The following JCAD variants were observed in gnomAD, a reference collection of about 807,000 sequenced individuals.
JCAD encodes the protein junctional cadherin 5 associated.
JCAD carries 40 observed loss-of-function variants against 98.0 expected under a neutral mutation model. The observed-to-expected ratio is 0.41, with a 90% CI of 0.32 to 0.53. JCAD has a LOEUF of 0.53. Ranked by LOEUF, JCAD falls within the 20% of genes least tolerant of loss-of-function variation. The pLI is 0.31. For synonymous variants in JCAD, 691 were observed against 682.3 expected, an observed-to-expected ratio of 1.01 and a Z score of -0.20; for missense variants, 1,705 against 1,738.1, an observed-to-expected ratio of 0.98 and a Z score of 0.34.
intron 1 of JCAD, among the ~76,000 whole-genome samples, chr10:30,073,343 G>A (rs892487851): frequency 1.3e-5 from 2 of 152,196 alleles, no homozygotes; most frequent in Non-Finnish European, 2.9e-5. Flanking sequence ...AAACCATTTA[G>A]TACAGAGCCA....
rs61732650 is a variant in JCAD at position 30,026,747 on chromosome 10, G to A, written c.3401C>T (p.Pro1134Leu). 2,354 of 1,614,186 alleles carry A rather than the reference G, an allele frequency of 1.5e-3. 14 individuals are homozygous for A. In the Middle Eastern group the frequency reaches 0.019, roughly 13 times the overall value. ...AGTGGACACCCTGGGGACATCTGCC[G>A]GTGCTGGGCGAGATAGCAACTCTTC... Reference protein sequence around the residue: ...PQEELLSRPAPADVPRVSTDA... With the variant: ...PQEELLSRPALADVPRVSTDA... The change falls in exon 3 of 4, where the codon CCG (proline) becomes CTG (leucine). Residue 1134 changes from proline to leucine, a missense_variant. Around this residue, in one of 3 missense-constraint regions of JCAD, gnomAD observed 1,278 missense variants for 1,243.1 expected, o/e 1.03. Transcript: ENST00000375377.
At chr10:30,029,939 G>A (rs41284754) in intron 2 of JCAD, 73 bp from the exon 3 acceptor site, 14,789 of 1,476,668 alleles carry the variant, frequency 0.01, 175 homozygotes, top group South Asian at 0.047. Context: ...ACTGGCATTC[G>A]AAGTCAAACT....
At position 30,094,423 on chromosome 10, in the gene JCAD, C is replaced by G. The variant is rs368454765; in HGVS notation, n.128+20944G>C. Among the ~76,000 whole-genome samples, 8 of 152,240 alleles carry G rather than the reference C, an allele frequency of 5.3e-5. No homozygotes were observed. In the East Asian group the frequency reaches 1.5e-3, roughly 29 times the overall value. Reference sequence around the variant, plus strand: ...CAAGATCATGCCATTGCACTCCAGCCTGGGTGACAGAGACAGACTCCATCT... The same window carrying G: ...CAAGATCATGCCATTGCACTCCAGCGTGGGTGACAGAGACAGACTCCATCT... On this transcript the variant is annotated intron_variant and non_coding_transcript_variant, in intron 1 of 2. Coordinates refer to the JCAD transcript ENST00000465712.
Position 30,015,817 on chromosome 10 carries a change from T to C in JCAD, c.*2066A>G, listed in dbSNP as rs949419225. 2.0e-5 allele frequency: 3 copies of C among 152,212 alleles called. No homozygotes were observed. The highest frequency in any genetic ancestry group is 2.1e-4 in the South Asian group (1 of 4,830). The allele number at this position is 152,212 out of a possible 1,614,324, so 9.4% of individuals were successfully genotyped here. A position where few individuals can be genotyped will look rare whatever the true frequency, so the allele number is the denominator to read the frequency against. ...ACATGTGCACGTATATAAATGTATATACACATATACCTTCTTACGTTTGCA... is the reference window on the plus strand; with the variant it reads ...ACATGTGCACGTATATAAATGTATACACACATATACCTTCTTACGTTTGCA... On this transcript the variant is annotated 3_prime_UTR_variant, in exon 4 of 4. Transcript: ENST00000375377.
chr10:30,031,438 A>ATTTTTT (rs34213034), intron 2 of JCAD, among the ~76,000 whole-genome samples: 31 of 97,064 alleles, frequency 3.2e-4, no homozygotes, highest in East Asian at 5.8e-4. Flanking sequence ...GCCCATCTGT[A>ATTTTTT]TTTTTTTTTT....
chr10:30,110,418 A>G (rs564738105), intron 1 of JCAD, among the ~76,000 whole-genome samples: 3 of 149,676 alleles, frequency 2.0e-5, no homozygotes, highest in Non-Finnish European at 3.0e-5. Context: ...TGGACCGGCT[A>G]ATGTATGGAC....
At chr10:30,042,384 C>T (rs1028867457) in intron 2 of JCAD, among the ~76,000 whole-genome samples, 8 of 147,444 alleles carry the variant, frequency 5.4e-5, no homozygotes, top group African/African-American at 2.7e-5. Flanking sequence ...AGCGGGGAGA[C>T]ACCCTAACCC....
chr10:30,072,483 A>G (rs1297087669), intron 1 of JCAD, among the ~76,000 whole-genome samples: 1 of 152,222 alleles, frequency 6.6e-6, no homozygotes, highest in Non-Finnish European at 1.5e-5. Context: ...ATAGCAAGAC[A>G]TCTGATGACA....
chr10:30,078,659 A>G (rs766804977), intron 1 of JCAD, among the ~76,000 whole-genome samples: 6 of 152,154 alleles, frequency 3.9e-5, no homozygotes, highest in Non-Finnish European at 8.8e-5. Context: ...CGCTCCTTTA[A>G]TGATCAGCTA....
intron 1 of JCAD, among the ~76,000 whole-genome samples, chr10:30,106,145 G>A (rs533228222): frequency 1.5e-4 from 23 of 152,204 alleles, no homozygotes; most frequent in East Asian, 1.2e-3. Context: ...GATGCAGGCT[G>A]GGGGCATTGG....
At chr10:30,018,283 TCTTCTTCTTCTTC>T (rs1363987890) in intron 3 of JCAD, among the ~76,000 whole-genome samples, 5 of 128,368 alleles carry the variant, frequency 3.9e-5, no homozygotes, top group Admixed American at 3.7e-4. Context: ...TTCTTCTTCT[TCTTCTTCTTCTTC>T]TTTTTTTTTT....
intron 1 of JCAD, among the ~76,000 whole-genome samples, chr10:30,084,680 C>T (rs901585395): frequency 2.0e-5 from 3 of 152,188 alleles, no homozygotes; most frequent in African/African-American, 4.8e-5. Flanking sequence ...GGAATGTGTA[C>T]CATCAGCTCT....
At chr10:30,066,722 T>G (rs1168762864) in intron 2 of JCAD, among the ~76,000 whole-genome samples, 1 of 151,298 alleles carries the variant, frequency 6.6e-6, no homozygotes, top group Non-Finnish European at 1.5e-5. Flanking sequence ...TAACCCCATA[T>G]GACTTTTTGT....
chr10:30,068,717 G>A (rs1267659002), intron 2 of JCAD, among the ~76,000 whole-genome samples: 1 of 152,162 alleles, frequency 6.6e-6, no homozygotes, highest in Non-Finnish European at 1.5e-5. Flanking sequence ...TCCAGAGCCT[G>A]CTCTCTCAAC....
In JCAD at chr10:30,035,471, C is replaced by G. The variant is rs189407720; in HGVS notation, c.282-5605G>C. On this transcript the variant is annotated intron_variant, in intron 2 of 3. Transcript: ENST00000375377. ...ACATCTATTTTGTACCTAGCAAGGG[C>G]TGGGCTCTGACAGGTGCAAGCGGAC... Among the ~76,000 whole-genome samples the G allele has an allele frequency of 2.9e-3, 441 of 152,348 alleles. 3 individuals are homozygous for G. Among genetic ancestry groups the G allele is most frequent in the African/African-American group, 0.01 (424 of 41,576 alleles).
rs57450219 is a variant in JCAD at position 30,082,851 on chromosome 10, C to CAA, written n.129-13032_129-13031dup. Among the ~76,000 whole-genome samples the CAA allele has an allele frequency of 4.2e-3, 284 of 68,370 alleles. 7 individuals carry two copies. Among genetic ancestry groups the CAA allele is most frequent in the East Asian group, 0.012 (20 of 1,716 alleles). 44.9% of individuals were successfully genotyped at this position (68,370 alleles called of 152,430 possible). A position where few individuals can be genotyped will look rare whatever the true frequency, so the allele number is the denominator to read the frequency against. ...GGGCAACAAGAGTGAAACTCTGTCT[C>CAA]AAAAAAAAAAAAAAAAAAAAAAAAA... On this transcript the variant is annotated intron_variant and non_coding_transcript_variant, in intron 1 of 2. Coordinates refer to the JCAD transcript ENST00000465712.
intron 2 of JCAD, among the ~76,000 whole-genome samples, chr10:30,044,047 A>T (rs950088105): frequency 1.3e-5 from 2 of 152,186 alleles, no homozygotes; most frequent in Non-Finnish European, 2.9e-5. Context: ...GTGCCCTTAT[A>T]AAAGGATGAG....
In JCAD at chr10:30,028,941, A is replaced by C; in HGVS notation, c.1207T>G (p.Leu403Val). The C allele has an allele frequency of 6.2e-7, 1 of 1,614,030 alleles. No homozygotes were observed. Among genetic ancestry groups the C allele is most frequent in the South Asian group, 1.1e-5 (1 of 91,060 alleles). Residue 403 changes from leucine to valine, a missense_variant, in exon 3 of 4, where the codon TTG becomes GTG. Around this residue, in one of 3 missense-constraint regions of JCAD, gnomAD observed 1,278 missense variants for 1,243.1 expected, o/e 1.03. Transcript: ENST00000375377. The part of the protein sequence containing the change: ...TGNEYGVSPR[L>V]PQGLPAHPRP... ...GGATGTGCGGGGAGCCCCTGAGGCAAGCGGGGGCTCACACCATACTCATTC... is the reference window on the plus strand; with the variant it reads ...GGATGTGCGGGGAGCCCCTGAGGCACGCGGGGGCTCACACCATACTCATTC...
At chr10:30,103,824 T>C (rs143727090) in intron 1 of JCAD, among the ~76,000 whole-genome samples, 3 of 150,060 alleles carry the variant, frequency 2.0e-5, no homozygotes, top group African/African-American at 7.4e-5. Context: ...CTCCGCCTCC[T>C]GGGTTCAAGC....
Sources: allele counts gnomAD v4.1 joint callset (sites outside exome capture counted in the v4.1 genomes callset), GRCh38; gene constraint gnomAD v4.1.1; regional missense constraint gnomAD v4.1.1; transcripts MANE v1.5; gene names NCBI Gene and HGNC (gene_info 2026-07-23, HGNC 2026-07-21).